TTLL5: variants seen among roughly 807,000 people sequenced by gnomAD.
TTLL5 encodes tubulin polyglutamylase TTLL5.
TTLL5 carries 132 observed loss-of-function variants against 168.4 expected under a neutral mutation model. The ratio of observed to expected loss-of-function variants is 0.78; its 90% confidence interval spans 0.68 to 0.91. TTLL5 has a LOEUF of 0.91. Among genes scored for constraint, TTLL5 ranks in the 40% least tolerant of loss-of-function variants. The pLI, the probability that TTLL5 is intolerant of heterozygous loss-of-function variation, is 0.00. For missense variants in TTLL5, 1,545 were observed against 1,581.5 expected (o/e 0.98, Z 0.39); for synonymous variants, 546 against 558.6 (o/e 0.98, Z 0.32).
At chr14:75,895,610 A>AT (rs540873377) in intron 30 of TTLL5, among the ~76,000 whole-genome samples, 1,881 of 152,312 alleles carry the variant, frequency 0.012, 15 homozygotes, top group South Asian at 0.024. Context: ...AATGAAAATT[A>AT]TAAAATATTT....
At chr14:75,678,580 T>A (rs1279387989) in intron 3 of TTLL5, among the ~76,000 whole-genome samples, 1 of 152,252 alleles carries the variant, frequency 6.6e-6, no homozygotes, top group Non-Finnish European at 1.5e-5. Flanking sequence ...GACTTTTTTT[T>A]TGTCTTCCAT....
intron 14 of TTLL5, 146 bp downstream of exon 14, chr14:75,734,196 T>A: frequency 1.3e-6 from 1 of 752,324 alleles, no homozygotes; most frequent in Non-Finnish European, 2.2e-6. Flanking sequence ...AGGGAAATGT[T>A]TATATGTTTC....
chr14:75,773,979 G>A (rs1306009118), intron 21 of TTLL5, among the ~76,000 whole-genome samples: 15 of 147,126 alleles, frequency 1.0e-4, no homozygotes, highest in South Asian at 4.3e-4. Flanking sequence ...GAGAGAGAGA[G>A]AGAGAGAGAG....
At chr14:75,758,383 C>G (rs1890416038) in intron 18 of TTLL5, among the ~76,000 whole-genome samples, 1 of 152,132 alleles carries the variant, frequency 6.6e-6, no homozygotes, top group Non-Finnish European at 1.5e-5. Context: ...TGAGATAAAT[C>G]AAGTTTGTAG....
chr14:75,919,972 T>G (rs912188776), intron 31 of TTLL5, among the ~76,000 whole-genome samples: 1 of 151,978 alleles, frequency 6.6e-6, no homozygotes, highest in African/African-American at 2.4e-5. Flanking sequence ...AATACAAAAA[T>G]TAGCCAGGCA....
intron 21 of TTLL5, among the ~76,000 whole-genome samples, chr14:75,772,958 C>T (rs978198189): frequency 5.3e-5 from 8 of 152,060 alleles, no homozygotes; most frequent in African/African-American, 1.7e-4. Flanking sequence ...TGAGCCAGCG[C>T]GCCTGGCCCC....
rs762781195 is a variant in TTLL5 at position 75,690,278 on chromosome 14, T to A, written c.458T>A (p.Leu153His). 3.1e-6 allele frequency: 5 copies of A among 1,611,064 alleles called. No individual in the cohort carries two copies. The East Asian group carries it at 1.1e-4, about 36-fold the overall frequency. The change falls in exon 6 of 32, where the codon CTC (leucine) becomes CAC (histidine). Residue 153 changes from leucine to histidine, a missense_variant. Physicochemically the swap from Leu to His is moderately conservative, Grantham distance 99. Coordinates refer to ENST00000298832, the MANE Select transcript of TTLL5 (RefSeq NM_015072.5). ...HTHGFKAFHI[L>H]PQTFLLPAEY... ...CATGGATTCAAGGCTTTTCACATCC[T>A]CCCCCAGACCTTCCTCCTGCCAGCT...
At chr14:75,882,011 T>C (rs2031841283) in intron 29 of TTLL5, among the ~76,000 whole-genome samples, 1 of 152,214 alleles carries the variant, frequency 6.6e-6, no homozygotes, top group South Asian at 2.1e-4. Context: ...GTCGATTGTA[T>C]TCATGTAACT....
chr14:75,821,659 T>G (rs1894836819), intron 28 of TTLL5, among the ~76,000 whole-genome samples: 2 of 152,176 alleles, frequency 1.3e-5, no homozygotes, highest in South Asian at 4.1e-4. Flanking sequence ...TTTAGAGCTT[T>G]CTTTTGGTAG....
At chr14:75,668,680 T>C (rs748486716) in intron 2 of TTLL5, among the ~76,000 whole-genome samples, 3 of 152,212 alleles carry the variant, frequency 2.0e-5, no homozygotes, top group South Asian at 2.1e-4. Context: ...CTTTAAAATA[T>C]GTGATTTTAA....
At chr14:75,699,059 A>G (rs1886073651) in intron 6 of TTLL5, 129 bp from the exon 7 acceptor site, 1 of 755,772 alleles carries the variant, frequency 1.3e-6, no homozygotes, top group Admixed American at 2.3e-5. Flanking sequence ...TTACTGCCCA[A>G]CACTTAGAAA....
chr14:75,874,248 T>C (rs7155182), intron 29 of TTLL5, among the ~76,000 whole-genome samples: 136,228 of 152,208 alleles, frequency 0.9, 61,126 homozygotes, highest in African/African-American at 0.94. Flanking sequence ...TGCGTCACCA[T>C]GCCCAGCTAA....
intron 10 of TTLL5, among the ~76,000 whole-genome samples, chr14:75,718,735 G>T (rs892583226): frequency 6.6e-6 from 1 of 152,302 alleles, no homozygotes; most frequent in South Asian, 2.1e-4. Context: ...CAGTGGAAGG[G>T]AGTACTAGCC....
At chr14:75,790,707 C>G (rs1892647975) in intron 26 of TTLL5, among the ~76,000 whole-genome samples, 1 of 151,712 alleles carries the variant, frequency 6.6e-6, no homozygotes, top group Non-Finnish European at 1.5e-5. Flanking sequence ...TAAAGTGGCC[C>G]TCCTGCCTCA....
At chr14:75,727,814 C>A in intron 12 of TTLL5, 1 of 500,128 alleles carries the variant, frequency 2.0e-6, no homozygotes, top group Non-Finnish European at 4.0e-6. Flanking sequence ...ATAAGCAAAA[C>A]TAATCTGTGA....
intron 12 of TTLL5, among the ~76,000 whole-genome samples, chr14:75,724,447 T>C (rs1342843370): frequency 6.6e-6 from 1 of 152,204 alleles, no homozygotes; most frequent in East Asian, 1.9e-4. Context: ...TCCATTGCAC[T>C]ATTAGTGTTT....
At chr14:75,858,328 C>T (rs1050691572) in intron 28 of TTLL5, among the ~76,000 whole-genome samples, 7 of 152,200 alleles carry the variant, frequency 4.6e-5, no homozygotes, top group African/African-American at 1.7e-4. Flanking sequence ...TTCTTGACCA[C>T]CATAGCATTT....
chr14:75,831,893 A>G lies in TTLL5; in HGVS notation c.3326+11732A>G, dbSNP rs1895590775. ...TGGCTTTTGGCTTTTGCTTTTTACT[A>G]TGACTCTGATATGAAATAGCCACTT... is the stretch of plus-strand genomic sequence containing the variant. On this transcript the variant is annotated intron_variant, in intron 28 of 31. Transcript: ENST00000298832. Among the ~76,000 whole-genome samples the G allele has an allele frequency of 2.0e-5, 3 of 152,192 alleles. No homozygotes were observed. The South Asian group carries it at 6.2e-4, about 32-fold the overall frequency.
At chr14:75,782,607 T>G (rs761776609) in intron 25 of TTLL5, 34 bp downstream of exon 25, 6 of 1,549,696 alleles carry the variant, frequency 3.9e-6, no homozygotes, top group Non-Finnish European at 5.3e-6. Context: ...GATTTGCTGC[T>G]CTCTGATAAT....
Sources: gnomAD v4.1 joint callset for allele counts (sites outside exome capture counted in the v4.1 genomes callset) on GRCh38, gnomAD v4.1.1 for gene constraint, MANE v1.5 for transcripts, NCBI Gene and HGNC (gene_info 2026-07-23, HGNC 2026-07-21) for gene names.